The following TNK1 variants were observed in gnomAD, a reference collection of about 807,000 sequenced individuals.
TNK1 encodes the protein tyrosine kinase non receptor 1.
Under a neutral mutation model 65.2 loss-of-function variants are expected in TNK1, and 53 were observed. That is an observed-to-expected ratio of 0.81 (90% CI 0.65 to 1.02). The LOEUF (loss-of-function observed/expected upper bound fraction) is 1.02. Ranked by LOEUF, TNK1 falls within the 50% of genes least tolerant of loss-of-function variation. TNK1 has a pLI of 0.00. For missense variants in TNK1, 837 were observed against 878.4 expected, an observed-to-expected ratio of 0.95 and a Z score of 0.60; for synonymous variants, 353 against 364.6, an observed-to-expected ratio of 0.97 and a Z score of 0.36.
Position 7,388,613 on chromosome 17 carries a change from A to G in TNK1, c.1685A>G (p.Asn562Ser). 1.9e-6 allele frequency: 3 copies of G among 1,613,668 alleles called. No individual in the cohort carries two copies. The highest frequency in any genetic ancestry group is 1.3e-5 in the African/African-American group (1 of 74,934). ...LPWPKRKPPH[N>S]HPMGMPGARK... is the part of the protein sequence containing the mutation. ...TGGCCCAAAAGAAAACCCCCACACA[A>G]TCACCCCATGGGAATGCCTGGAGCC... The change falls in exon 11 of 13, where the codon AAT becomes AGT. Residue 562 changes from asparagine to serine, a missense_variant. By Grantham distance (46) the Asn-to-Ser change is conservative. Coordinates refer to ENST00000688331, the MANE Select transcript of TNK1 (RefSeq NM_003985.6). This position sits in a 1 kb window ranked among gnomAD's most constrained non-coding sequence, Gnocchi z 4.5.
In TNK1 at chr17:7,383,267, G is replaced by C. The variant is rs753542920; in HGVS notation, c.181G>C (p.Glu61Gln). 10 of 1,613,896 alleles carry C rather than the reference G, an allele frequency of 6.2e-6. No individual in the cohort carries two copies. The highest frequency in any genetic ancestry group is 4.0e-5 in the African/African-American group (3 of 74,932). Reference protein sequence around the residue: ...MGRPAQRRLSEALKRLRSGPK... With the variant: ...MGRPAQRRLSQALKRLRSGPK... ...TCCCACAGCCCAGCGCAGACTGTCCGAAGCTCTGAAAAGGCTACGTTCTGG... is the reference window on the plus strand; with the variant it reads ...TCCCACAGCCCAGCGCAGACTGTCCCAAGCTCTGAAAAGGCTACGTTCTGG... Residue 61 changes from glutamate (E) to glutamine (Q), a missense_variant, in exon 3 of 13, where the codon GAA (glutamate) becomes CAA (glutamine). By Grantham distance (29) the Glu-to-Gln change is conservative. Coordinates refer to ENST00000688331, the MANE Select transcript of TNK1 (RefSeq NM_003985.6).
At chr17:7,387,294 C>T in intron 9 of TNK1, 84 bp from the exon 10 acceptor site, 1 of 1,526,910 alleles carries the variant, frequency 6.5e-7, no homozygotes, top group Admixed American at 2.0e-5. Flanking sequence ...CCTGGGTTCC[C>T]CTGTGAGTTT....
At position 7,384,158 on chromosome 17, in the gene TNK1, C is replaced by A. The variant is rs1261042189; in HGVS notation, c.771C>A (p.Arg257=). Residue 257 remains arginine, a synonymous_variant, in exon 6 of 13, where the codon CGC becomes CGA. Transcript: ENST00000688331. ...GCAACCTACTGCTGGCGTCGCCGCG[C>A]ACCATCAAGGTGGCTGACTTCGGGC... The part of the protein sequence containing the change: ...ATRNLLLASP[R]TIKVADFGLV... The A allele has an allele frequency of 1.3e-6, 2 of 1,540,528 alleles. No individual in the cohort carries two copies. The highest frequency in any genetic ancestry group is 1.9e-5 in the Admixed American group (1 of 51,710).
In TNK1 at chr17:7,386,641, A is replaced by G; in HGVS notation, c.1218A>G (p.Thr406=). ...GGATGGAGACTGGTGACCCCATCAC[A>G]GTCATCGAGGGCAGGTGACAGTCCC... The part of the protein sequence containing the change: ...ALRMETGDPI[T]VIEGSPDSTI... Residue 406 remains threonine, a synonymous_variant, in exon 8 of 13, where the codon ACA becomes ACG. Transcript: ENST00000688331. 1 of 1,592,330 alleles carries G rather than the reference A, an allele frequency of 6.3e-7. No individual in the cohort carries two copies. The highest frequency in any genetic ancestry group is 1.3e-5 in the African/African-American group (1 of 74,574).
chr17:7,383,151 C>T, intron 2 of TNK1, 62 bp downstream of exon 2: 5 of 1,611,532 alleles, frequency 3.1e-6, no homozygotes, highest in Non-Finnish European at 3.4e-6. Context: ...TTGCCTTCCC[C>T]CACCACAACC....
chr17:7,387,320 T>C (rs1190836485), intron 9 of TNK1, 58 bp from the exon 10 acceptor site: 9 of 1,556,548 alleles, frequency 5.8e-6, no homozygotes, highest in African/African-American at 1.4e-5. Flanking sequence ...GGAGGGTATA[T>C]TGATCTGTGG....
At chr17:7,385,730 A>G (rs9904883) in intron 7 of TNK1, among the ~76,000 whole-genome samples, 28,260 of 151,818 alleles carry the variant, frequency 0.19, 2,951 homozygotes, top group East Asian at 0.35. Context: ...ACGCCTGGCT[A>G]ATTTTTGTAT....
In TNK1 at chr17:7,383,068, G is replaced by A. The variant is rs780834064; in HGVS notation, c.142G>A (p.Gly48Ser). The A allele has an allele frequency of 5.6e-6, 9 of 1,613,900 alleles. No homozygotes were observed. The highest frequency in any genetic ancestry group is 1.7e-5 in the Admixed American group (1 of 60,002). ...FDFVKPEDLD[G>S]IGMGRPAQRR... ...CTTTGTAAAGCCTGAGGACCTGGACGGCATTGGCATGGGCCGGCCTGGTGA... is the reference window on the plus strand; with the variant it reads ...CTTTGTAAAGCCTGAGGACCTGGACAGCATTGGCATGGGCCGGCCTGGTGA... The change falls in exon 2 of 13, where the codon GGC becomes AGC. Residue 48 changes from glycine to serine, a missense_variant. Physicochemically the swap from Gly to Ser is moderately conservative, Grantham distance 56. Coordinates refer to ENST00000688331, the MANE Select transcript of TNK1 (RefSeq NM_003985.6).
At position 7,386,571 on chromosome 17, in the gene TNK1, C is replaced by T. The variant is rs1040046472; in HGVS notation, c.1148C>T (p.Ser383Leu). 12 of 1,602,250 alleles carry T rather than the reference C, an allele frequency of 7.5e-6. No homozygotes were observed. The highest frequency in any genetic ancestry group is 5.1e-5 in the Admixed American group (3 of 58,356). Reference protein sequence around the residue: ...LEGLLQEAGPSEACCVRDVTE... With the variant: ...LEGLLQEAGPLEACCVRDVTE... ...CTCTTGTCTCCACAGGCCGGGCCTT[C>T]GGAAGCATGTTGTGTGAGGGATGTC... The change falls in exon 8 of 13, where the codon TCG (serine) becomes TTG (leucine). Residue 383 changes from serine to leucine, a missense_variant. Coordinates refer to ENST00000688331, the MANE Select transcript of TNK1 (RefSeq NM_003985.6).
At chr17:7,387,327 G>T in intron 9 of TNK1, 51 bp from the exon 10 acceptor site, 1 of 1,565,002 alleles carries the variant, frequency 6.4e-7, no homozygotes, top group Non-Finnish European at 8.7e-7. Context: ...ATATTGATCT[G>T]TGGGGTGGGG....
rs916445702 is a variant in TNK1 at position 7,388,567 on chromosome 17, C to T, written c.1639C>T (p.Pro547Ser). Residue 547 changes from proline (P) to serine (S), a missense_variant, in exon 11 of 13, where the codon CCC becomes TCC. Coordinates refer to ENST00000688331, the MANE Select transcript of TNK1 (RefSeq NM_003985.6). The surrounding 1 kb of genome is among the most constrained non-coding windows in gnomAD (Gnocchi z 4.5). ...CTCTAGCTCTCCTCAGCCCAGCCAG[C>T]CCTCTAGGGAGAGGCTTCCCTGGCC... ...LSSSSPQPSQ[P>S]SRERLPWPKR... is the part of the protein sequence containing the mutation. 4.3e-6 allele frequency: 7 copies of T among 1,613,894 alleles called. No homozygotes were observed. The highest frequency in any genetic ancestry group is 5.9e-6 in the Non-Finnish European group (7 of 1,179,910).
chr17:7,387,603 A>C, intron 10 of TNK1, 146 bp downstream of exon 10: 1 of 410,748 alleles, frequency 2.4e-6, no homozygotes, highest in Non-Finnish European at 4.1e-6. Context: ...TGTGCAATCT[A>C]TTTTTTTTTT....
chr17:7,383,947 C>G (rs1003522330), intron 5 of TNK1, 23 bp from the exon 6 acceptor site: 2 of 1,521,788 alleles, frequency 1.3e-6, no homozygotes, highest in African/African-American at 2.7e-5. Flanking sequence ...CCGGCTCACG[C>G]GGCGCGGTGT....
intron 2 of TNK1, 22 bp from the exon 3 acceptor site, chr17:7,383,228 C>G: frequency 6.2e-7 from 1 of 1,613,954 alleles, no homozygotes; most frequent in South Asian, 1.1e-5. Context: ...TCCACTCCAG[C>G]CCTGATTCTG....
chr17:7,386,741 C>A, intron 8 of TNK1, 86 bp downstream of exon 8: 3 of 1,243,678 alleles, frequency 2.4e-6, no homozygotes, highest in South Asian at 1.3e-5. Context: ...TTCTCTCCAG[C>A]TCCTTGAACC....
Position 7,387,474 on chromosome 17 carries a change from CCA to C in TNK1, c.1477+18_1477+19del, listed in dbSNP as rs2002441546. The C allele has an allele frequency of 6.4e-7, 1 of 1,573,592 alleles. No individual in the cohort carries two copies. Among genetic ancestry groups the C allele is most frequent in the African/African-American group, 1.3e-5 (1 of 74,124 alleles). ...GGATGAAAGGTGGGTGTGGTGGACT[CCA>C]GAGTCTCTGAGGAGATCAAGACCAG... is the stretch of plus-strand genomic sequence containing the variant. On this transcript the variant is annotated intron_variant, in intron 10 of 12. Transcript: ENST00000688331.
In TNK1 at chr17:7,388,292, G is replaced by A; in HGVS notation, c.1478-114G>A. On this transcript the variant is annotated intron_variant, in intron 10 of 12. Transcript: ENST00000688331. This position sits in a 1 kb window ranked among gnomAD's most constrained non-coding sequence, Gnocchi z 4.5. Reference sequence around the variant, plus strand: ...ATACAAAAATTAGCCAGTCGTAATGGCAGGCACCTATAGTCCCAGCTACTC... The same window carrying A: ...ATACAAAAATTAGCCAGTCGTAATGACAGGCACCTATAGTCCCAGCTACTC... The A allele has an allele frequency of 1.8e-6, 2 of 1,084,302 alleles. No homozygotes were observed. The allele number at this position is 1,084,302 out of a possible 1,614,324, so 67.2% of individuals were successfully genotyped here. A position where few individuals can be genotyped will look rare whatever the true frequency, so the allele number is the denominator to read the frequency against.
rs1414304898 is a variant in TNK1, at chr17:7,383,732, C to G, written c.450C>G (p.Leu150=). ...AGGTCCCAGTGGCTGTCAAGTCCCT[C>G]CGGGTAGGTCCCGAAGGCCCGATGG... The part of the protein sequence containing the change: ...GKSVPVAVKS[L]RVGPEGPMGT... Residue 150 remains leucine, a synonymous_variant, in exon 5 of 13, where the codon CTC becomes CTG. Transcript: ENST00000688331. The G allele has an allele frequency of 6.2e-7, 1 of 1,612,318 alleles. No individual in the cohort carries two copies. Among genetic ancestry groups the G allele is most frequent in the Non-Finnish European group, 8.5e-7 (1 of 1,179,226 alleles).
rs777301066 is a variant in TNK1, at chr17:7,387,096, C to T, written c.1339C>T (p.Arg447Cys). 8.1e-6 allele frequency: 13 copies of T among 1,612,372 alleles called. No individual in the cohort carries two copies. The highest frequency in any genetic ancestry group is 2.2e-5 in the East Asian group (1 of 44,858). The change falls in exon 9 of 13, where the codon CGT becomes TGT. Residue 447 changes from arginine (R) to cysteine (C), a missense_variant. Coordinates refer to ENST00000688331, the MANE Select transcript of TNK1 (RefSeq NM_003985.6). ...AGATGCGGGGGGCTTGCCAGCCACC[C>T]GTCCAGTCCACAGAGGCACCCCTGC... ...LADAGGLPAT[R>C]PVHRGTPARG...
Sources: gnomAD v4.1 joint callset for allele counts (sites outside exome capture counted in the v4.1 genomes callset) on GRCh38, gnomAD v4.1.1 for gene constraint, Gnocchi (gnomAD v3.1) non-coding constraint, MANE v1.5 for transcripts, NCBI Gene and HGNC (gene_info 2026-07-23, HGNC 2026-07-21) for gene names.